Variants in SUCO observed in about 807,000 individuals in gnomAD.
The protein encoded by SUCO is SUN domain-containing ossification factor.
SUCO carries 57 observed loss-of-function variants against 148.1 expected under a neutral mutation model. The ratio of observed to expected loss-of-function variants is 0.38; its 90% confidence interval spans 0.31 to 0.48. The LOEUF (loss-of-function observed/expected upper bound fraction) is 0.48. SUCO is among the 20% of genes least tolerant of loss of function. The pLI is 0.96. For missense variants in SUCO, 1,331 were observed against 1,468.2 expected (o/e 0.91, Z 1.53); for synonymous variants, 470 against 502.7 (o/e 0.93, Z 0.87).
upstream of SUCO, chr1:172,533,101 C>A (rs923626737): frequency 5.6e-6 from 8 of 1,428,666 alleles, no homozygotes; most frequent in Admixed American, 1.2e-4. Context: ...ACGCGGCGGC[C>A]GTTGGTCGCT....
intron 18 of SUCO, 137 bp downstream of exon 18, chr1:172,590,063 A>T: frequency 1.5e-6 from 1 of 666,232 alleles, no homozygotes; most frequent in Non-Finnish European, 2.2e-6. Context: ...CAAGAGAGAG[A>T]AAGAAAGCTA....
chr1:172,560,436 A>G (rs180684034), intron 6 of SUCO, among the ~76,000 whole-genome samples: 8 of 152,350 alleles, frequency 5.3e-5, no homozygotes, highest in African/African-American at 1.4e-4. Flanking sequence ...TACCTTGTTC[A>G]GCTAGTAAAT....
At chr1:172,594,163 C>G (rs567421222) in intron 19 of SUCO, among the ~76,000 whole-genome samples, 30 of 151,428 alleles carry the variant, frequency 2.0e-4, no homozygotes, top group Non-Finnish European at 4.0e-4. Context: ...TTTCTTCTCT[C>G]TTTTCTTCTT....
chr1:172,568,309 A>AACCACC, intron 6 of SUCO: 1 of 396,788 alleles, frequency 2.5e-6, no homozygotes, highest in South Asian at 1.1e-4. Flanking sequence ...TTTGCTTCCC[A>AACCACC]CCCACCCCAT....
At chr1:172,581,292 A>T (rs1355049330) in intron 15 of SUCO, among the ~76,000 whole-genome samples, 1 of 152,154 alleles carries the variant, frequency 6.6e-6, no homozygotes, top group Non-Finnish European at 1.5e-5. Flanking sequence ...CTGGGAGGGC[A>T]AGGTTATCTT....
chr1:172,584,797 A>G (rs1656122813), intron 15 of SUCO, among the ~76,000 whole-genome samples: 1 of 152,190 alleles, frequency 6.6e-6, no homozygotes, highest in African/African-American at 2.4e-5. Flanking sequence ...GTATATTTAA[A>G]TATAAAATTC....
At position 172,562,654 on chromosome 1, in the gene SUCO, T is replaced by A. The variant is rs534799005; in HGVS notation, c.732+4860T>A. 1.1e-4 allele frequency among the ~76,000 whole-genome samples: 16 copies of A among 152,336 alleles called. No individual in the cohort carries two copies. The East Asian group carries it at 3.1e-3, about 29-fold the overall frequency. Reference sequence around the variant, plus strand: ...CCCAGTTAGACCATTCTTTAGAAAGTGTATTGTAAACAATTTCCTTTTAAT... The same window carrying A: ...CCCAGTTAGACCATTCTTTAGAAAGAGTATTGTAAACAATTTCCTTTTAAT... On this transcript the variant is annotated intron_variant, in intron 6 of 23. Coordinates refer to ENST00000263688, the MANE Select transcript of SUCO (RefSeq NM_014283.5).
At chr1:172,557,921 T>A in intron 6 of SUCO, 127 bp downstream of exon 6, 1 of 713,954 alleles carries the variant, frequency 1.4e-6, no homozygotes, top group South Asian at 2.2e-5. Context: ...CAATAACATG[T>A]GGAACTAACA....
chr1:172,543,051 AGTT>A, intron 1 of SUCO: 1 of 923,768 alleles, frequency 1.1e-6, no homozygotes, highest in Non-Finnish European at 1.3e-6. Flanking sequence ...AAAAAAAAAA[AGTT>A]AACATGTAGA....
chr1:172,548,780 A>G (rs374165302), intron 1 of SUCO, among the ~76,000 whole-genome samples: 1 of 151,964 alleles, frequency 6.6e-6, no homozygotes, highest in Non-Finnish European at 1.5e-5. Context: ...TTAGTTTACT[A>G]TCGGTATTTG....
At chr1:172,609,312 T>G in intron 23 of SUCO, 1 of 985,262 alleles carries the variant, frequency 1.0e-6, no homozygotes, top group Non-Finnish European at 1.2e-6. Flanking sequence ...TCAAATTAAG[T>G]TATACTAATT....
chr1:172,603,132 GCCT>G, intron 22 of SUCO: 1 of 186,768 alleles, frequency 5.4e-6, no homozygotes. Context: ...GTGCTTTTCT[GCCT>G]CCTCTTCTTA....
intron 15 of SUCO, among the ~76,000 whole-genome samples, chr1:172,581,086 TG>T (rs1255118609): frequency 6.6e-6 from 1 of 151,998 alleles, no homozygotes; most frequent in African/African-American, 2.4e-5. Context: ...GGGGACAGAG[TG>T]AGACTCTGTC....
intron 6 of SUCO, among the ~76,000 whole-genome samples, chr1:172,558,110 A>G (rs1469972350): frequency 6.6e-6 from 1 of 152,240 alleles, no homozygotes; most frequent in Non-Finnish European, 1.5e-5. Flanking sequence ...AAAGCTATCT[A>G]GAAGAAGGTA....
chr1:172,595,493 G>T (rs1156685021), intron 19 of SUCO, among the ~76,000 whole-genome samples: 3 of 150,542 alleles, frequency 2.0e-5, no homozygotes, highest in Non-Finnish European at 4.5e-5. Flanking sequence ...AAAATCTCAC[G>T]TTTGCTTGTC....
chr1:172,574,103 T>C (rs542645124), intron 10 of SUCO, 105 bp downstream of exon 10: 6 of 666,170 alleles, frequency 9.0e-6, no homozygotes, highest in Admixed American at 6.0e-5. Flanking sequence ...TCCATTTATT[T>C]TTTAAAGGTC....
intron 3 of SUCO, among the ~76,000 whole-genome samples, chr1:172,555,104 C>T (rs1174183241): frequency 2.6e-5 from 4 of 151,924 alleles, no homozygotes; most frequent in South Asian, 2.1e-4. Flanking sequence ...ACCTACTGTG[C>T]GCTAGATACT....
Position 172,591,011 on chromosome 1 carries a change from A to G in SUCO, c.2853A>G (p.Gln951=). ...QRYRKQMEEM[Q]KAFNKTIVKL... is the part of the protein sequence containing the mutation. Reference sequence around the variant, plus strand: ...ACCGAAAACAAATGGAAGAAATGCAAAAGGCTTTCAATAAAACAATCGTGA... The same window carrying G: ...ACCGAAAACAAATGGAAGAAATGCAGAAGGCTTTCAATAAAACAATCGTGA... The change falls in exon 19 of 24, where the codon CAA becomes CAG. Residue 951 remains glutamine, a synonymous_variant. Coordinates refer to ENST00000263688, the MANE Select transcript of SUCO (RefSeq NM_014283.5). 2 of 1,612,346 alleles carry G rather than the reference A, an allele frequency of 1.2e-6. No homozygotes were observed. Among genetic ancestry groups the G allele is most frequent in the East Asian group, 4.5e-5 (2 of 44,788 alleles).
At chr1:172,554,336 T>G (rs1445482766) in intron 3 of SUCO, among the ~76,000 whole-genome samples, 2 of 152,304 alleles carry the variant, frequency 1.3e-5, no homozygotes, top group Non-Finnish European at 2.9e-5. Flanking sequence ...CTCAAATACT[T>G]CCGAGTGCTT....
Sources: allele counts gnomAD v4.1 joint callset (sites outside exome capture counted in the v4.1 genomes callset), GRCh38; gene constraint gnomAD v4.1.1; transcripts MANE v1.5; gene names NCBI Gene and HGNC (gene_info 2026-07-23, HGNC 2026-07-21).